The following ATP11C variants were observed in gnomAD, a reference collection of about 807,000 sequenced individuals.
ATP11C encodes phospholipid-transporting ATPase IG.
In ATP11C, 36 loss-of-function variants were observed where a neutral mutation model predicts 97.4. The ratio of observed to expected loss-of-function variants is 0.37; its 90% CI spans 0.28 to 0.49. ATP11C has a LOEUF of 0.49. Among genes scored for constraint, ATP11C ranks in the 20% least tolerant of loss-of-function variants. The pLI is 0.98. For missense variants in ATP11C, 730 were observed against 824.6 expected (o/e 0.89, Z 1.40); for synonymous variants, 275 against 290.9 (o/e 0.95, Z 0.56).
intron 1 of ATP11C, among the ~76,000 whole-genome samples, chrX:139,896,003 G>A (rs752532152): frequency 3.1e-4 from 35 of 111,175 alleles, no homozygotes; most frequent in South Asian, 7.6e-4. Flanking sequence ...ACCTAGTGTT[G>A]GATAGATCAG....
At chrX:139,750,308 T>C (rs1358613845) in intron 23 of ATP11C, among the ~76,000 whole-genome samples, 156 bp from the exon 24 acceptor site, 1 of 112,312 alleles carries the variant, frequency 8.9e-6, no homozygotes, top group Non-Finnish European at 1.9e-5. Context: ...GGTCACTGCC[T>C]AGTAACTATA....
At chrX:139,923,009 C>T (rs2085291544) in intron 1 of ATP11C, among the ~76,000 whole-genome samples, 1 of 111,680 alleles carries the variant, frequency 9.0e-6, no homozygotes, top group South Asian at 3.7e-4. Flanking sequence ...TGGTTTTGAA[C>T]TCCTGACCTC....
intron 1 of ATP11C, among the ~76,000 whole-genome samples, chrX:139,875,579 A>G: frequency 9.0e-6 from 1 of 111,016 alleles, no homozygotes; most frequent in Middle Eastern, 4.7e-3. Flanking sequence ...CCTGGGCAGC[A>G]AAGTAAGACC....
At chrX:139,899,092 G>A (rs1375339062) in intron 1 of ATP11C, among the ~76,000 whole-genome samples, 1 of 111,522 alleles carries the variant, frequency 9.0e-6, no homozygotes, top group Non-Finnish European at 1.9e-5. Flanking sequence ...CAAAATACCT[G>A]ACCAGTATCC....
intron 1 of ATP11C, among the ~76,000 whole-genome samples, chrX:139,877,258 C>T (rs1300542304): frequency 8.9e-6 from 1 of 112,082 alleles, no homozygotes; most frequent in Non-Finnish European, 1.9e-5. Flanking sequence ...GTTGTTCATA[C>T]GTGGATTTCC....
intron 1 of ATP11C, among the ~76,000 whole-genome samples, chrX:139,856,567 C>A (rs980552071): frequency 5.3e-5 from 6 of 112,218 alleles, no homozygotes; most frequent in Non-Finnish European, 1.1e-4. Flanking sequence ...TTTCATCAAC[C>A]AGGAGGAGGA....
chrX:139,843,121 T>A (rs2083859640), intron 1 of ATP11C, among the ~76,000 whole-genome samples: 1 of 112,508 alleles, frequency 8.9e-6, no homozygotes, highest in South Asian at 3.7e-4. Context: ...TATGGAAGGC[T>A]GCAGATACAT....
At chrX:139,809,955 A>G (rs2083133766) in intron 5 of ATP11C, among the ~76,000 whole-genome samples, 1 of 111,730 alleles carries the variant, frequency 9.0e-6, no homozygotes, top group Admixed American at 9.5e-5. Flanking sequence ...AACAAGAGCA[A>G]ACTCCATCTC....
chrX:139,869,772 C>T lies in ATP11C; in HGVS notation c.28-42949G>A, dbSNP rs945160117. On this transcript the variant is annotated intron_variant, in intron 1 of 29. Transcript: ENST00000682941. ...TCATGCTACTGCACTTTAGCCTGGG[C>T]GACAGAGAAACACTCTGTCTCAAAA... 5.0e-5 allele frequency among the ~76,000 whole-genome samples: 5 copies of T among 99,475 alleles called. 1 individual carries two copies. Among genetic ancestry groups the T allele is most frequent in the East Asian group, 6.0e-4 (2 of 3,326 alleles). The allele number at this position is 99,475 out of a possible 115,157, so 86.4% of individuals were successfully genotyped here. A position where few individuals can be genotyped will look rare whatever the true frequency, so the allele number is the denominator to read the frequency against.
intron 2 of ATP11C, among the ~76,000 whole-genome samples, chrX:139,825,298 A>G (rs938433514): frequency 5.4e-5 from 6 of 111,600 alleles, no homozygotes; most frequent in African/African-American, 2.0e-4. Flanking sequence ...TTTTATTACT[A>G]ACTCTGCTTG....
At chrX:139,871,455 T>A (rs946972038) in intron 1 of ATP11C, among the ~76,000 whole-genome samples, 1 of 107,597 alleles carries the variant, frequency 9.3e-6, no homozygotes, top group South Asian at 4.2e-4. Flanking sequence ...GTGATCCGCC[T>A]ACCTCGGCCT....
chrX:139,785,338 A>G (rs763697855), intron 15 of ATP11C, 39 bp from the exon 16 acceptor site: 1 of 982,341 alleles, frequency 1.0e-6, no homozygotes, highest in South Asian at 2.1e-5. Context: ...CCTAGAATAT[A>G]CTGAGAAAAA....
At chrX:139,914,074 G>A (rs781072815) in intron 1 of ATP11C, among the ~76,000 whole-genome samples, 12 of 111,810 alleles carry the variant, frequency 1.1e-4, no homozygotes, top group Non-Finnish European at 5.6e-5. Flanking sequence ...GAATTATAAA[G>A]CTGGGAAATA....
At chrX:139,769,281 C>CATATATATATATATATAT (rs55984113) in intron 19 of ATP11C, among the ~76,000 whole-genome samples, 35 of 28,070 alleles carry the variant, frequency 1.2e-3, no homozygotes, top group Admixed American at 2.3e-3. Context: ...GGCAAACATA[C>CATATATATATATATATAT]ATATATATAT....
At chrX:139,905,192 T>A (rs1229622156) in intron 1 of ATP11C, among the ~76,000 whole-genome samples, 1 of 112,179 alleles carries the variant, frequency 8.9e-6, no homozygotes, top group African/African-American at 3.2e-5. Context: ...TATGGCATAG[T>A]GTGAGAGGAA....
At chrX:139,889,625 G>A (rs750323294) in intron 1 of ATP11C, among the ~76,000 whole-genome samples, 1 of 110,268 alleles carries the variant, frequency 9.1e-6, no homozygotes, top group East Asian at 2.8e-4. Flanking sequence ...TAACAACCTC[G>A]AAAGAGCCAA....
At chrX:139,746,930 C>T (rs1183776539) in intron 24 of ATP11C, among the ~76,000 whole-genome samples, 1 of 111,795 alleles carries the variant, frequency 8.9e-6, no homozygotes, top group Non-Finnish European at 1.9e-5. Context: ...GTAAGAAACA[C>T]CTTTGTAATA....
intron 1 of ATP11C, 114 bp from the exon 2 acceptor site, chrX:139,826,937 A>T: frequency 1.3e-6 from 1 of 758,909 alleles, no homozygotes; most frequent in Non-Finnish European, 1.9e-6. Context: ...AGAAAGTAGT[A>T]GGGAGAGGAG....
intron 28 of ATP11C, among the ~76,000 whole-genome samples, chrX:139,735,079 C>T (rs1424864638): frequency 1.8e-5 from 2 of 111,499 alleles, no homozygotes; most frequent in African/African-American, 6.5e-5. Context: ...CTCCTTATAA[C>T]CAGAGTGAGA....
Sources: allele counts gnomAD v4.1 joint callset (sites outside exome capture counted in the v4.1 genomes callset), GRCh38; gene constraint gnomAD v4.1.1; transcripts MANE v1.5; gene names NCBI Gene and HGNC (gene_info 2026-07-23, HGNC 2026-07-21).